CRYBG1: variants seen among roughly 807,000 people sequenced by gnomAD.
CRYBG1 encodes crystallin beta-gamma domain containing 1, also known as beta/gamma crystallin domain-containing protein 1.
In CRYBG1, 139 loss-of-function variants were observed where a neutral mutation model predicts 189.2. That is an observed-to-expected ratio of 0.73 (90% CI 0.64 to 0.85). The LOEUF is 0.85. CRYBG1 is among the 40% of genes least tolerant of loss of function. CRYBG1 has a pLI of 0.00. For synonymous variants in CRYBG1, 1,023 were observed against 1,017.1 expected, an observed-to-expected ratio of 1.01 and a Z score of -0.11; for missense variants, 2,611 against 2,675.8, an observed-to-expected ratio of 0.98 and a Z score of 0.53.
chr6:106,464,390 G>A (rs1036298430), intron 2 of CRYBG1, among the ~76,000 whole-genome samples: 1 of 152,024 alleles, frequency 6.6e-6, no homozygotes, highest in Admixed American at 6.5e-5. Flanking sequence ...CTACTTGGGA[G>A]GCTGAGGCAG....
Position 106,519,117 on chromosome 6 carries a change from C to CA in CRYBG1, c.1923-14_1923-13insA. 6.3e-7 allele frequency: 1 copy of CA among 1,589,270 alleles called. No individual in the cohort carries two copies. Among genetic ancestry groups the CA allele is most frequent in the Non-Finnish European group, 8.5e-7 (1 of 1,169,636 alleles). On this transcript the variant is annotated splice_polypyrimidine_tract_variant and intron_variant, in intron 3 of 21. Coordinates refer to ENST00000633556, the MANE Select transcript of CRYBG1 (RefSeq NM_001371242.2). ...CTAGGTCAATAACTTTATCTTCCTGCTTTTTCCTCACAGCCCTGCCAAGCC... is the reference window on the plus strand; with the variant it reads ...CTAGGTCAATAACTTTATCTTCCTGCATTTTTCCTCACAGCCCTGCCAAGCC...
chr6:106,504,995 G>A (rs1773098808), intron 2 of CRYBG1, among the ~76,000 whole-genome samples: 1 of 151,706 alleles, frequency 6.6e-6, no homozygotes, highest in South Asian at 2.1e-4. Context: ...CTTTAAGATG[G>A]ACTGGAGTGC....
chr6:106,360,978 A>G lies in CRYBG1; in HGVS notation c.70A>G (p.Thr24Ala), dbSNP rs1771855691. Residue 24 changes from threonine to alanine, a missense_variant, in exon 1 of 22, where the codon ACC becomes GCC. Around this residue, in one of 3 missense-constraint regions of CRYBG1, gnomAD observed 985 missense variants for 924.4 expected, o/e 1.07. Coordinates refer to ENST00000633556, the MANE Select transcript of CRYBG1 (RefSeq NM_001371242.2). Reference protein sequence around the residue: ...PSPCRPPKKHTTFHLWRSKKK... With the variant: ...PSPCRPPKKHATFHLWRSKKK... ...CCCGTGCAGGCCCCCTAAGAAGCAC[A>G]CCACCTTCCACCTCTGGCGCTCCAA... The G allele has an allele frequency of 6.5e-7, 1 of 1,535,144 alleles. No homozygotes were observed. Among genetic ancestry groups the G allele is most frequent in the African/African-American group, 1.4e-5 (1 of 73,108 alleles).
intron 2 of CRYBG1, among the ~76,000 whole-genome samples, chr6:106,499,198 G>C (rs1236436484): frequency 6.8e-6 from 1 of 147,034 alleles, no homozygotes; most frequent in Admixed American, 6.8e-5. Flanking sequence ...TGTCTCCCAG[G>C]CTGGAGTGCA....
chr6:106,527,734 G>A (rs994614410), intron 7 of CRYBG1, among the ~76,000 whole-genome samples: 1 of 151,860 alleles, frequency 6.6e-6, no homozygotes, highest in Non-Finnish European at 1.5e-5. Flanking sequence ...ATTTTACCTG[G>A]TAACTTGGTT....
In CRYBG1 at chr6:106,421,069, G is replaced by C. The variant is rs572459198; in HGVS notation, c.174-30625G>C. 2.0e-5 allele frequency among the ~76,000 whole-genome samples: 3 copies of C among 152,288 alleles called. No individual in the cohort carries two copies. In the South Asian group the frequency reaches 6.2e-4, roughly 32 times the overall value. On this transcript the variant is annotated intron_variant, in intron 1 of 21. Coordinates refer to ENST00000633556, the MANE Select transcript of CRYBG1 (RefSeq NM_001371242.2). ...GAGGGTATGGGTCTGTGCTGGAATG[G>C]GGACAGGAAGCCATCCCACTTTGAG...
At position 106,511,778 on chromosome 6, in the gene CRYBG1, G is replaced by T. The variant is rs916678598; in HGVS notation, c.661G>T (p.Ala221Ser). Residue 221 changes from alanine to serine, a missense_variant, in exon 3 of 22, where the codon GCT (alanine) becomes TCT (serine). Ala to Ser is a moderately conservative substitution (Grantham distance 99, BLOSUM62 1). Transcript: ENST00000633556. Reference protein sequence around the residue: ...LSPRWSSSAAAVAVQQCHEND... With the variant: ...LSPRWSSSAASVAVQQCHEND... ...ACCTCGCTGGAGCAGCAGTGCAGCG[G>T]CTGTGGCTGTGCAGCAGTGCCATGA... is the stretch of plus-strand genomic sequence containing the variant. The T allele has an allele frequency of 2.0e-6, 3 of 1,534,348 alleles. No homozygotes were observed. The African/African-American group carries it at 4.1e-5, about 21-fold the overall frequency.
At chr6:106,510,601 G>C (rs1350036001) in intron 2 of CRYBG1, among the ~76,000 whole-genome samples, 1 of 152,218 alleles carries the variant, frequency 6.6e-6, no homozygotes, top group Non-Finnish European at 1.5e-5. Context: ...GCGAGGAACG[G>C]GTCCCGGGGC....
chr6:106,534,772 C>A (rs1158679850), intron 8 of CRYBG1, among the ~76,000 whole-genome samples: 1 of 152,048 alleles, frequency 6.6e-6, no homozygotes, highest in African/African-American at 2.4e-5. Flanking sequence ...ATCCTGGCAC[C>A]CATCCTCCCA....
chr6:106,418,096 T>C (rs6926773), intron 1 of CRYBG1, among the ~76,000 whole-genome samples: 3,244 of 152,232 alleles, frequency 0.021, 111 homozygotes, highest in African/African-American at 0.065. Flanking sequence ...AATAAAACAG[T>C]GAGCAAAGCA....
intron 2 of CRYBG1, among the ~76,000 whole-genome samples, chr6:106,458,021 G>A (rs1257247709): frequency 6.6e-6 from 1 of 152,160 alleles, no homozygotes; most frequent in Admixed American, 6.5e-5. Context: ...ATAAGGGTGG[G>A]GGAAATAAAT....
intron 1 of CRYBG1, among the ~76,000 whole-genome samples, chr6:106,364,661 G>A (rs1310508230): frequency 1.3e-5 from 2 of 152,216 alleles, no homozygotes; most frequent in Non-Finnish European, 2.9e-5. Flanking sequence ...GAATGAGCAT[G>A]GCGAGCTGTG....
chr6:106,366,569 A>G (rs1013803941), intron 1 of CRYBG1, among the ~76,000 whole-genome samples: 2 of 152,248 alleles, frequency 1.3e-5, no homozygotes, highest in African/African-American at 4.8e-5. Flanking sequence ...AAAGCATGCC[A>G]CAGTCAAAGG....
chr6:106,503,933 A>G (rs1019418872), intron 2 of CRYBG1, among the ~76,000 whole-genome samples: 1 of 150,588 alleles, frequency 6.6e-6, no homozygotes, highest in African/African-American at 2.4e-5. Context: ...TTAATCTGGA[A>G]GTTAAAAAGT....
intron 16 of CRYBG1, among the ~76,000 whole-genome samples, chr6:106,555,297 T>TA: frequency 6.6e-6 from 1 of 151,318 alleles, no homozygotes; most frequent in Non-Finnish European, 1.5e-5. Context: ...TAAGTCAATA[T>TA]AGTATTTTGA....
chr6:106,401,387 ATTCTTT>A (rs1770715867), intron 1 of CRYBG1, among the ~76,000 whole-genome samples: 1 of 108,204 alleles, frequency 9.2e-6, no homozygotes, highest in Non-Finnish European at 1.9e-5. Flanking sequence ...TTGCTGAATG[ATTCTTT>A]TTTTTTTTTT....
rs141773842 is a variant in CRYBG1, at chr6:106,509,002, A to G, written c.313-2428A>G. The stretch of plus-strand genomic sequence containing the variant: ...CTGATCAAGCGTCTGCTGCATGGGA[A>G]AAGCAGATTGCAACATCATTGGCAG... On this transcript the variant is annotated intron_variant, in intron 2 of 21. Coordinates refer to ENST00000633556, the MANE Select transcript of CRYBG1 (RefSeq NM_001371242.2). Among the ~76,000 whole-genome samples the G allele has an allele frequency of 3.4e-3, 510 of 152,138 alleles. 4 individuals carry two copies. The highest frequency in any genetic ancestry group is 0.012 in the African/African-American group (479 of 41,516).
chr6:106,457,595 T>C (rs1771915210), intron 2 of CRYBG1, among the ~76,000 whole-genome samples: 1 of 152,342 alleles, frequency 6.6e-6, no homozygotes, highest in South Asian at 2.1e-4. Flanking sequence ...CCAGCACTTC[T>C]ATTGGGATGT....
chr6:106,552,002 A>C, intron 14 of CRYBG1, 24 bp downstream of exon 14: 2 of 1,574,120 alleles, frequency 1.3e-6, no homozygotes, highest in Non-Finnish European at 1.7e-6. Context: ...TTTTTGTATG[A>C]GAATATTTAA....
Sources: allele counts gnomAD v4.1 joint callset (sites outside exome capture counted in the v4.1 genomes callset), GRCh38; gene constraint gnomAD v4.1.1; regional missense constraint gnomAD v4.1.1; transcripts MANE v1.5; gene names NCBI Gene and HGNC (gene_info 2026-07-23, HGNC 2026-07-21).